The following MATN1 variants were observed in gnomAD, a reference collection of about 807,000 sequenced individuals.
The protein encoded by MATN1 is matrilin-1.
In MATN1, 34 loss-of-function variants were observed where a neutral mutation model predicts 41.3. The observed-to-expected ratio is 0.82, with a 90% CI of 0.63 to 1.10. The LOEUF (loss-of-function observed/expected upper bound fraction) is 1.10. Ranked by LOEUF, MATN1 falls within the 50% of genes least tolerant of loss-of-function variation. The probability of loss-of-function intolerance (pLI) is 0.00; values close to 1 mark genes in which losing one functional copy is unlikely to be tolerated. For synonymous variants in MATN1, 264 were observed against 278.7 expected (o/e 0.95, Z 0.53); for missense variants, 602 against 662.4 (o/e 0.91, Z 1.00).
At chr1:30,715,709 C>T (rs1447834800) in intron 5 of MATN1, among the ~76,000 whole-genome samples, 200 bp downstream of exon 5, 2 of 152,198 alleles carry the variant, frequency 1.3e-5, no homozygotes, top group East Asian at 3.8e-4. Context: ...AAAGGACCAT[C>T]AAAACAAGCC....
rs751809590 is a variant in MATN1 at position 30,715,188 on chromosome 1, T to C, written c.1329A>G (p.Ile443Met). Residue 443 changes from isoleucine (I) to methionine (M), a missense_variant, in exon 6 of 8, where the codon ATA becomes ATG. Ile to Met is a conservative substitution (Grantham distance 10). Transcript: ENST00000373765. ...YTADFKTINQIGKKLQKKICV... is the reference protein window; with the variant it reads ...YTADFKTINQMGKKLQKKICV... Reference sequence around the variant, plus strand: ...AGATCTTCTTCTGCAACTTCTTGCCTATCTGGTTGATGGTCTTGAAGTCAG... The same window carrying C: ...AGATCTTCTTCTGCAACTTCTTGCCCATCTGGTTGATGGTCTTGAAGTCAG... 13 of 1,614,124 alleles carry C rather than the reference T, an allele frequency of 8.1e-6. No homozygotes were observed. The highest frequency in any genetic ancestry group is 1.0e-5 in the Non-Finnish European group (12 of 1,180,044).
intron 3 of MATN1, among the ~76,000 whole-genome samples, chr1:30,717,970 A>G (rs766083672): frequency 4.5e-4 from 69 of 152,170 alleles, no homozygotes; most frequent in Admixed American, 2.2e-3. Context: ...GACTCTTAAC[A>G]TCGCCTCTCC....
chr1:30,715,725 C>T (rs1312614437), intron 5 of MATN1, among the ~76,000 whole-genome samples, 184 bp downstream of exon 5: 2 of 152,226 alleles, frequency 1.3e-5, no homozygotes, highest in African/African-American at 4.8e-5. Flanking sequence ...AAGCCACTTA[C>T]TTTTCTGGGG....
chr1:30,716,488 G>A (rs1225352146), intron 4 of MATN1, among the ~76,000 whole-genome samples, 163 bp from the exon 5 acceptor site: 1 of 152,238 alleles, frequency 6.6e-6, no homozygotes, highest in African/African-American at 2.4e-5. Flanking sequence ...CCACTGTACA[G>A]TATTGGAAAC....
intron 2 of MATN1, chr1:30,720,063 G>A (rs527994372): frequency 1.3e-5 from 2 of 151,900 alleles, no homozygotes; most frequent in African/African-American, 4.8e-5. Flanking sequence ...CCTCTCCAGG[G>A]GCCTGGGCTC....
chr1:30,718,911 T>G lies in MATN1; in HGVS notation c.488A>C (p.Asp163Ala). 1 of 1,567,702 alleles carries G rather than the reference T, an allele frequency of 6.4e-7. No individual in the cohort carries two copies. Among genetic ancestry groups the G allele is most frequent in the South Asian group, 1.1e-5 (1 of 87,070 alleles). ...TDGRPQDSVQ[D>A]VSARARASGV... The stretch of plus-strand genomic sequence containing the variant: ...GCTGGCCCGGGCCCGCGCAGACACG[T>G]CCTGCACGCTGTCCTGGGGCCTCCC... Residue 163 changes from aspartate (D) to alanine (A), a missense_variant, in exon 3 of 8, where the codon GAC becomes GCC. Coordinates refer to ENST00000373765, the MANE Select transcript of MATN1 (RefSeq NM_002379.3).
At chr1:30,722,790 A>G (rs1639713667) in intron 1 of MATN1, among the ~76,000 whole-genome samples, 1 of 152,222 alleles carries the variant, frequency 6.6e-6, no homozygotes, top group Non-Finnish European at 1.5e-5. Context: ...GGCTCTGGAC[A>G]TCAGAGTTCC....
chr1:30,713,764 G>A, intron 7 of MATN1, 133 bp from the exon 8 acceptor site: 5 of 739,980 alleles, frequency 6.8e-6, no homozygotes, highest in Admixed American at 2.1e-5. Flanking sequence ...TCCATCCACT[G>A]TCCTCAGAAT....
chr1:30,714,920 T>C (rs1217178175), intron 6 of MATN1, among the ~76,000 whole-genome samples: 1 of 152,176 alleles, frequency 6.6e-6, no homozygotes, highest in Non-Finnish European at 1.5e-5. Context: ...TCTTACCAAA[T>C]AGGATCGGAT....
rs560474434 is a variant in MATN1 at position 30,723,461 on chromosome 1, T to C, written c.91A>G (p.Arg31Gly). The C allele has an allele frequency of 3.3e-6, 5 of 1,519,316 alleles. No homozygotes were observed. The South Asian group carries it at 6.3e-5, about 19-fold the overall frequency. The allele number at this position is 1,519,316 out of a possible 1,614,324, so 94.1% of individuals were successfully genotyped here. Residue 31 changes from arginine (R) to glycine (G), a missense_variant, in exon 1 of 8, where the codon AGA becomes GGA. Transcript: ENST00000373765. ...CATCTCACGCAAGCCCCCTCACCTC[T>C]GGACTGGGGGGCGAGGCCAGGGCTG... ...LCSPGLAPQS[R>G]GHLCRTRPTD... is the part of the protein sequence containing the mutation.
rs199983697 is a variant in MATN1, at chr1:30,713,612, C to A, written c.1461G>T (p.Arg487=). The A allele has an allele frequency of 1.7e-5, 27 of 1,553,972 alleles. No homozygotes were observed. In the East Asian group the frequency reaches 6.3e-4, roughly 36 times the overall value. ...LTRKLEAVSK[R]LAILENTVV ...CAACTGTGTTCTCCAGGATGGCCAG[C>A]CGCTTACTCACAGCTTCCAGTGGAC... is the stretch of plus-strand genomic sequence containing the variant. Residue 487 remains arginine (R), a synonymous_variant, in exon 8 of 8, where the codon CGG becomes CGT. Transcript: ENST00000373765.
At chr1:30,719,218 A>C in intron 2 of MATN1, 3 of 447,210 alleles carry the variant, frequency 6.7e-6, no homozygotes, top group Non-Finnish European at 1.2e-5. Context: ...CCATCGCCAA[A>C]TTGGGGTCTC....
Position 30,715,737 on chromosome 1 carries a change from C to T in MATN1, c.1207+172G>A, listed in dbSNP as rs536153226. 7.2e-5 allele frequency among the ~76,000 whole-genome samples: 11 copies of T among 152,304 alleles called. No individual in the cohort carries two copies. In the South Asian group the frequency reaches 2.3e-3, roughly 32 times the overall value. ...AACAAGCCACTTACTTTTCTGGGGC[C>T]TCAATTTTGTCATTGGTATAAGAGA... On this transcript the variant is annotated intron_variant, in intron 5 of 7. Transcript: ENST00000373765.
Position 30,715,170 on chromosome 1 carries a change from C to A in MATN1, c.1347G>T (p.Lys449Asn), listed in dbSNP as rs1219689179. The change falls in exon 6 of 8, where the codon AAG (lysine) becomes AAT (asparagine). Residue 449 changes from lysine (K) to asparagine (N), a missense_variant. Lys to Asn is a moderately conservative substitution (Grantham distance 94). Coordinates refer to ENST00000373765, the MANE Select transcript of MATN1 (RefSeq NM_002379.3). ...GGCCTCACTCACCCACACAGATCTT[C>A]TTCTGCAACTTCTTGCCTATCTGGT... ...TINQIGKKLQ[K>N]KICVEEDPCA... 6.2e-7 allele frequency: 1 copy of A among 1,614,212 alleles called. No homozygotes were observed.
At position 30,718,486 on chromosome 1, in the gene MATN1, GC is replaced by G. The variant is rs1639652132; in HGVS notation, c.664+248del. The G allele has an allele frequency of 3.6e-5, 4 of 111,852 alleles. No individual in the cohort carries two copies. In the South Asian group the frequency reaches 6.3e-4, roughly 18 times the overall value. 6.9% of individuals were successfully genotyped at this position (111,852 alleles called of 1,614,324 possible). On this transcript the variant is annotated intron_variant, in intron 3 of 7. Transcript: ENST00000373765. The stretch of plus-strand genomic sequence containing the variant: ...CCGCCCCTGCCCTGGCCCCACCCTT[GC>G]CCCGCCCCGGCGCTGACTCTCTCCG...
chr1:30,717,871 T>TAAAC (rs1639639976), intron 3 of MATN1, among the ~76,000 whole-genome samples: 1 of 152,134 alleles, frequency 6.6e-6, no homozygotes, highest in Non-Finnish European at 1.5e-5. Context: ...GCCAGGATGG[T>TAAAC]CTCGATCTCC....
chr1:30,716,716 T>C, intron 4 of MATN1, 74 bp downstream of exon 4: 1 of 1,572,442 alleles, frequency 6.4e-7, no homozygotes, highest in Non-Finnish European at 8.6e-7. Context: ...GAGGCTTGAA[T>C]GGGTTTCCTG....
chr1:30,723,465 C>T lies in MATN1; in HGVS notation c.87G>A (p.Gln29=). 1 of 1,522,444 alleles carries T rather than the reference C, an allele frequency of 6.6e-7. No homozygotes were observed. The highest frequency in any genetic ancestry group is 8.8e-7 in the Non-Finnish European group (1 of 1,134,978). The allele number at this position is 1,522,444 out of a possible 1,614,324, so 94.3% of individuals were successfully genotyped here. Residue 29 remains glutamine (Q), a synonymous_variant, in exon 1 of 8, where the codon CAG becomes CAA. Transcript: ENST00000373765. ...QALCSPGLAP[Q]SRGHLCRTRP... The stretch of plus-strand genomic sequence containing the variant: ...TCACGCAAGCCCCCTCACCTCTGGA[C>T]TGGGGGGCGAGGCCAGGGCTGCACA...
chr1:30,721,271 T>G, intron 2 of MATN1, 134 bp downstream of exon 2: 1 of 890,966 alleles, frequency 1.1e-6, no homozygotes. Context: ...CGCCCCTCTC[T>G]GACCCTGTTT....
Sources: allele counts gnomAD v4.1 joint callset (sites outside exome capture counted in the v4.1 genomes callset), GRCh38; gene constraint gnomAD v4.1.1; transcripts MANE v1.5; gene names NCBI Gene and HGNC (gene_info 2026-07-23, HGNC 2026-07-21).